MAGI3: variants seen among roughly 807,000 people sequenced by gnomAD.
MAGI3 encodes the protein membrane-associated guanylate kinase, WW and PDZ domain-containing protein 3.
MAGI3 carries 43 observed loss-of-function variants against 121.8 expected under a neutral mutation model. The observed-to-expected ratio is 0.35, with a 90% CI of 0.28 to 0.46. The LOEUF (loss-of-function observed/expected upper bound fraction) is 0.46, where lower values mean the gene tolerates loss of function less well. Ranked by LOEUF, MAGI3 falls within the 20% of genes least tolerant of loss-of-function variation. MAGI3 has a pLI of 1.00. For missense variants in MAGI3, 1,547 were observed against 1,797.3 expected, an observed-to-expected ratio of 0.86 and a Z score of 2.52; for synonymous variants, 553 against 639.3, an observed-to-expected ratio of 0.86 and a Z score of 2.04.
At chr1:113,588,350 A>T (rs554985048) in intron 4 of MAGI3, among the ~76,000 whole-genome samples, 32 of 152,330 alleles carry the variant, frequency 2.1e-4, no homozygotes, top group African/African-American at 7.7e-4. Flanking sequence ...TGGACAATGC[A>T]TTCTATGTGG....
chr1:113,461,178 A>G (rs76868625), intron 1 of MAGI3, among the ~76,000 whole-genome samples: 1 of 152,334 alleles, frequency 6.6e-6, no homozygotes, highest in African/African-American at 2.4e-5. Flanking sequence ...TACAGATTCA[A>G]TGCTATTTCT....
intron 16 of MAGI3, among the ~76,000 whole-genome samples, chr1:113,664,570 C>A (rs968130000): frequency 6.6e-6 from 1 of 152,100 alleles, no homozygotes; most frequent in African/African-American, 2.4e-5. Flanking sequence ...AATAAAAAAA[C>A]AGTGTGAGAA....
intron 1 of MAGI3, among the ~76,000 whole-genome samples, chr1:113,505,512 T>TAATTAATAAATAAATA (rs140237617): frequency 8.8e-5 from 12 of 135,598 alleles, no homozygotes; most frequent in South Asian, 5.0e-4. Context: ...GGTCCCTACA[T>TAATTAATAAATAAATA]AATAAATAAA....
chr1:113,448,335 A>G (rs1654288109), intron 1 of MAGI3, among the ~76,000 whole-genome samples: 1 of 152,220 alleles, frequency 6.6e-6, no homozygotes, highest in Non-Finnish European at 1.5e-5. Flanking sequence ...GAGTAATATG[A>G]TTATTCTAAT....
intron 2 of MAGI3, among the ~76,000 whole-genome samples, chr1:113,565,438 C>T (rs1264001610): frequency 3.9e-5 from 6 of 151,988 alleles, no homozygotes; most frequent in Admixed American, 6.6e-5. Flanking sequence ...ATTTTAGATC[C>T]GTTTCTTATT....
intron 12 of MAGI3, 129 bp downstream of exon 12, chr1:113,646,771 T>C (rs939180026): frequency 3.1e-5 from 21 of 682,790 alleles, no homozygotes; most frequent in Non-Finnish European, 4.7e-5. Context: ...TTAATAGAAC[T>C]CTGGACTTCT....
chr1:113,613,916 T>C (rs1650310719), intron 6 of MAGI3, among the ~76,000 whole-genome samples: 1 of 152,196 alleles, frequency 6.6e-6, no homozygotes, highest in Non-Finnish European at 1.5e-5. Flanking sequence ...GTTTTAACTT[T>C]CAGAAATTCA....
At chr1:113,423,231 T>A (rs562944030) in intron 1 of MAGI3, among the ~76,000 whole-genome samples, 1 of 142,548 alleles carries the variant, frequency 7.0e-6, no homozygotes, top group African/African-American at 2.5e-5. Context: ...AGGCAGGTTG[T>A]CCTGGTAAGT....
intron 1 of MAGI3, among the ~76,000 whole-genome samples, chr1:113,517,155 A>T (rs1244935493): frequency 2.6e-5 from 4 of 151,972 alleles, no homozygotes; most frequent in Non-Finnish European, 5.9e-5. Context: ...AGGAAATTTG[A>T]ATAAAATATA....
chr1:113,420,537 A>G (rs1453321287), intron 1 of MAGI3, among the ~76,000 whole-genome samples: 1 of 152,224 alleles, frequency 6.6e-6, no homozygotes, highest in Non-Finnish European at 1.5e-5. Flanking sequence ...TCTTCCATTC[A>G]GGTGAAAAAT....
chr1:113,684,199 C>T lies in MAGI3; in HGVS notation c.*185C>T, dbSNP rs1251655814. The T allele has an allele frequency of 1.7e-5, 10 of 591,716 alleles. No homozygotes were observed. The highest frequency in any genetic ancestry group is 3.8e-5 in the African/African-American group (2 of 52,462). 36.7% of individuals were successfully genotyped at this position (591,716 alleles called of 1,614,324 possible). ...GCTAAGAACCAACTGTCCCCCTGGCCGGCTGCCCTCCCTCGCTCTCAGGAA... is the reference window on the plus strand; with the variant it reads ...GCTAAGAACCAACTGTCCCCCTGGCTGGCTGCCCTCCCTCGCTCTCAGGAA... On this transcript the variant is annotated 3_prime_UTR_variant, in exon 21 of 21. Transcript: ENST00000307546.
At chr1:113,467,352 T>C (rs1319309407) in intron 1 of MAGI3, among the ~76,000 whole-genome samples, 1 of 152,148 alleles carries the variant, frequency 6.6e-6, no homozygotes, top group Non-Finnish European at 1.5e-5. Context: ...AGAGTTGTTT[T>C]GTGGCCTAAG....
rs1482182034 is a variant in MAGI3 at position 113,442,644 on chromosome 1, T to C, written c.316+51295T>C. ...TATACAATGATCGTATATATAATGA[T>C]CATAGCAGTGAGTTTATATATGTAT... On this transcript the variant is annotated intron_variant, in intron 1 of 20. Transcript: ENST00000307546. 2.6e-5 allele frequency among the ~76,000 whole-genome samples: 4 copies of C among 151,786 alleles called. 1 individual carries two copies. In the East Asian group the frequency reaches 7.7e-4, roughly 29 times the overall value.
intron 6 of MAGI3, among the ~76,000 whole-genome samples, chr1:113,604,204 T>C (rs1649589706): frequency 6.6e-6 from 1 of 152,136 alleles, no homozygotes; most frequent in African/African-American, 2.4e-5. Flanking sequence ...ATAGCATAAT[T>C]CATAATTGCA....
At chr1:113,669,987 C>T (rs1403547306) in intron 16 of MAGI3, among the ~76,000 whole-genome samples, 3 of 92,504 alleles carry the variant, frequency 3.2e-5, no homozygotes, top group African/African-American at 1.3e-4. Context: ...AAAAGAGCAA[C>T]AAATTTCCAG....
intron 1 of MAGI3, among the ~76,000 whole-genome samples, chr1:113,474,298 T>C (rs1396757084): frequency 6.6e-6 from 1 of 152,222 alleles, no homozygotes; most frequent in African/African-American, 2.4e-5. Context: ...TTGGCTTTTG[T>C]TGCCATTGCT....
chr1:113,473,358 C>T (rs963950524), intron 1 of MAGI3, among the ~76,000 whole-genome samples: 5 of 152,030 alleles, frequency 3.3e-5, no homozygotes, highest in East Asian at 1.9e-4. Flanking sequence ...TTTGCTGCAC[C>T]GATCAACTAA....
chr1:113,525,397 T>C (rs746139617), intron 1 of MAGI3, among the ~76,000 whole-genome samples: 2 of 152,142 alleles, frequency 1.3e-5, no homozygotes, highest in Non-Finnish European at 2.9e-5. Flanking sequence ...TTTGACATTT[T>C]AGAAGACTAT....
intron 1 of MAGI3, among the ~76,000 whole-genome samples, chr1:113,510,149 G>C (rs1011626744): frequency 6.6e-6 from 1 of 151,932 alleles, no homozygotes; most frequent in East Asian, 1.9e-4. Flanking sequence ...GTTGTTTTTC[G>C]TGCATAAAAA....
Sources: gnomAD v4.1 joint callset for allele counts (sites outside exome capture counted in the v4.1 genomes callset) on GRCh38, gnomAD v4.1.1 for gene constraint, MANE v1.5 for transcripts, NCBI Gene and HGNC (gene_info 2026-07-23, HGNC 2026-07-21) for gene names.